The following CCDC149 variants were observed in gnomAD, a reference collection of about 807,000 sequenced individuals.
The protein encoded by CCDC149 is coiled-coil domain-containing protein 149.
In CCDC149, 45 loss-of-function variants were observed where a neutral mutation model predicts 59.9. The observed-to-expected ratio is 0.75, with a 90% CI of 0.59 to 0.96. The LOEUF is 0.96. CCDC149 is among the 40% of genes least tolerant of loss of function. The pLI is 0.00. For missense variants in CCDC149, 584 were observed against 664.7 expected (o/e 0.88, Z 1.33); for synonymous variants, 245 against 260.6 (o/e 0.94, Z 0.58).
Position 24,908,655 on chromosome 4 carries a change from G to A in CCDC149, c.63+4162C>T, listed in dbSNP as rs529010325. The stretch of plus-strand genomic sequence containing the variant: ...ATGGAGGCTGAAGTGAGCCATGATC[G>A]CACCACTGTACTCCAGCATGGGCAA... On this transcript the variant is annotated intron_variant, in intron 1 of 12. Transcript: ENST00000635206. Among the ~76,000 whole-genome samples the A allele has an allele frequency of 5.3e-5, 8 of 152,260 alleles. No individual in the cohort carries two copies. In the East Asian group the frequency reaches 1.2e-3, roughly 22 times the overall value.
Position 24,856,897 on chromosome 4 carries a change from C to A in CCDC149, c.265-3718G>T, listed in dbSNP as rs116158465. Reference sequence around the variant, plus strand: ...GGGCCAGGCCATTGGGCAGCAGTGACTGTCCCTGGGGAGCAGCGGGAGGAG... The same window carrying A: ...GGGCCAGGCCATTGGGCAGCAGTGAATGTCCCTGGGGAGCAGCGGGAGGAG... On this transcript the variant is annotated intron_variant, in intron 3 of 12. Transcript: ENST00000635206. Among the ~76,000 whole-genome samples, 622 of 152,366 alleles carry A rather than the reference C, an allele frequency of 4.1e-3. 8 individuals carry two copies. The highest frequency in any genetic ancestry group is 0.014 in the African/African-American group (576 of 41,592).
chr4:24,835,462 C>T (rs1453009203), intron 7 of CCDC149, among the ~76,000 whole-genome samples: 2 of 152,068 alleles, frequency 1.3e-5, no homozygotes, highest in Non-Finnish European at 2.9e-5. Context: ...TGATGTCTGC[C>T]GTGGATACAG....
At chr4:24,818,286 G>A (rs953979462) in intron 12 of CCDC149, among the ~76,000 whole-genome samples, 1 of 152,168 alleles carries the variant, frequency 6.6e-6, no homozygotes, top group Non-Finnish European at 1.5e-5. Flanking sequence ...AGTTGGTGAT[G>A]TCATGCTTGA....
chr4:24,823,939 G>T (rs1393836680), intron 9 of CCDC149, among the ~76,000 whole-genome samples: 11 of 152,070 alleles, frequency 7.2e-5, no homozygotes, highest in African/African-American at 2.2e-4. Context: ...ACTATCCTTT[G>T]TAATCTCGCT....
chr4:24,864,112 G>A (rs951224813), intron 3 of CCDC149, among the ~76,000 whole-genome samples: 16 of 152,180 alleles, frequency 1.1e-4, no homozygotes, highest in African/African-American at 3.9e-4. Flanking sequence ...CTAACACCCG[G>A]CGTGGGCCGG....
intron 1 of CCDC149, among the ~76,000 whole-genome samples, chr4:24,948,276 A>G (rs923862856): frequency 2.0e-5 from 3 of 152,260 alleles, no homozygotes; most frequent in African/African-American, 4.8e-5. Context: ...AGGTTTACAA[A>G]TGGATCAACT....
intron 9 of CCDC149, among the ~76,000 whole-genome samples, chr4:24,825,856 G>C (rs1715704300): frequency 6.6e-6 from 1 of 152,080 alleles, no homozygotes. Context: ...ACAGAGACCA[G>C]TAGGAACCCA....
chr4:24,832,460 C>G (rs991835971), intron 8 of CCDC149, among the ~76,000 whole-genome samples: 1 of 152,180 alleles, frequency 6.6e-6, no homozygotes, highest in African/African-American at 2.4e-5. Flanking sequence ...CCATTCACGG[C>G]CAAGTTCAAA....
At chr4:24,972,301 T>TCTTTTCTTTC (rs1723993895) in intron 1 of CCDC149, among the ~76,000 whole-genome samples, 2 of 150,862 alleles carry the variant, frequency 1.3e-5, no homozygotes, top group Admixed American at 1.3e-4. Flanking sequence ...TCTTTTCTTT[T>TCTTTTCTTTC]CTTTTCTTTT....
intron 1 of CCDC149, among the ~76,000 whole-genome samples, chr4:24,926,269 G>A (rs1722432027): frequency 6.6e-6 from 1 of 152,230 alleles, no homozygotes; most frequent in Non-Finnish European, 1.5e-5. Context: ...GGAACAGAAA[G>A]AAGTTAGTCA....
chr4:24,880,476 G>A (rs562454490), intron 1 of CCDC149, among the ~76,000 whole-genome samples: 5 of 152,232 alleles, frequency 3.3e-5, no homozygotes, highest in East Asian at 1.9e-4. Context: ...TAGGAAGTGG[G>A]GAGAAGGGAG....
At chr4:24,915,070 C>T (rs1722086380), upstream of CCDC149, among the ~76,000 whole-genome samples, 1 of 152,196 alleles carries the variant, frequency 6.6e-6, no homozygotes, top group Admixed American at 6.5e-5. Flanking sequence ...GCAGCTAAAG[C>T]TTCTGGTCTT....
intron 4 of CCDC149, among the ~76,000 whole-genome samples, chr4:24,848,535 C>T (rs1717458277): frequency 6.6e-6 from 1 of 151,984 alleles, no homozygotes; most frequent in Non-Finnish European, 1.5e-5. Flanking sequence ...CACCACTGTG[C>T]TCCAGCCTGG....
intron 3 of CCDC149, among the ~76,000 whole-genome samples, chr4:24,867,757 G>A (rs1387518466): frequency 6.6e-6 from 1 of 152,178 alleles, no homozygotes; most frequent in Non-Finnish European, 1.5e-5. Flanking sequence ...CCAGAGAAAC[G>A]GAACTGAATC....
rs17553672 is a variant in CCDC149, at chr4:24,837,942, T to G, written c.489+214A>C. ...ACGTTTCTTGTTGTGTTCAGAACAA[T>G]GGTACCCAATAGCAGGGAGCAGACC... On this transcript the variant is annotated intron_variant, in intron 5 of 12. Coordinates refer to ENST00000635206, the MANE Select transcript of CCDC149 (RefSeq NM_001330643.2). This position sits in a 1 kb window ranked among gnomAD's most constrained non-coding sequence, Gnocchi z 4.3. Among the ~76,000 whole-genome samples the G allele has an allele frequency of 0.14, 21,226 of 152,188 alleles. 1,967 individuals carry two copies. Among genetic ancestry groups the G allele is most frequent in the Middle Eastern group, 0.21 (61 of 294 alleles).
chr4:24,821,452 T>C (rs1194787430), intron 10 of CCDC149, among the ~76,000 whole-genome samples: 4 of 152,236 alleles, frequency 2.6e-5, no homozygotes, highest in Admixed American at 1.3e-4. Context: ...CCCAGGACTG[T>C]ACCTGGCAGT....
At chr4:24,902,586 A>C (rs1721229666) in intron 1 of CCDC149, among the ~76,000 whole-genome samples, 1 of 152,202 alleles carries the variant, frequency 6.6e-6, no homozygotes. Flanking sequence ...CTTCAACCAA[A>C]GGGAAGGGGC....
At chr4:24,876,478 C>G in intron 2 of CCDC149, 58 bp downstream of exon 2, 1 of 1,519,418 alleles carries the variant, frequency 6.6e-7, no homozygotes, top group Non-Finnish European at 8.9e-7. Context: ...GTGAAAATCT[C>G]TTTATATCTT....
intron 3 of CCDC149, among the ~76,000 whole-genome samples, chr4:24,869,191 A>T (rs1401816870): frequency 6.6e-6 from 1 of 152,192 alleles, no homozygotes; most frequent in African/African-American, 2.4e-5. Context: ...GGCATGCCTG[A>T]TCATGCCCAT....
Sources: gnomAD v4.1 joint callset for allele counts (sites outside exome capture counted in the v4.1 genomes callset) on GRCh38, gnomAD v4.1.1 for gene constraint, Gnocchi (gnomAD v3.1) non-coding constraint, MANE v1.5 for transcripts, NCBI Gene and HGNC (gene_info 2026-07-23, HGNC 2026-07-21) for gene names.